The following LARGE1 variants were observed in gnomAD, a reference collection of about 807,000 sequenced individuals.
The protein encoded by LARGE1 is LARGE xylosyl- and glucuronyltransferase 1.
A neutral mutation model predicts 87.6 loss-of-function variants in LARGE1; 43 were observed. The ratio of observed to expected loss-of-function variants is 0.49; its 90% CI spans 0.38 to 0.63. LARGE1 has a LOEUF of 0.63. Among genes scored for constraint, LARGE1 ranks in the 30% least tolerant of loss-of-function variants. The pLI is 0.00. For missense variants in LARGE1, 802 were observed against 1,000.2 expected (o/e 0.80, Z 2.67); for synonymous variants, 434 against 394.6 (o/e 1.10, Z -1.18).
At chr22:33,824,818 T>A (rs2062734572) in intron 1 of LARGE1, among the ~76,000 whole-genome samples, 1 of 152,186 alleles carries the variant, frequency 6.6e-6, no homozygotes, top group Non-Finnish European at 1.5e-5. Context: ...GAAGTACTGG[T>A]ACACGATATG....
At chr22:33,484,318 A>T (rs2069471907) in intron 6 of LARGE1, among the ~76,000 whole-genome samples, 1 of 152,210 alleles carries the variant, frequency 6.6e-6, no homozygotes, top group Non-Finnish European at 1.5e-5. Context: ...ATGATTATAT[A>T]AGAATCTTTC....
chr22:33,370,640 A>G (rs946532608), intron 9 of LARGE1, among the ~76,000 whole-genome samples: 14 of 151,942 alleles, frequency 9.2e-5, no homozygotes, highest in Non-Finnish European at 2.1e-4. Flanking sequence ...TTGTGTATGT[A>G]TGTCTATGTG....
chr22:33,692,873 C>T (rs1456608322), intron 2 of LARGE1, among the ~76,000 whole-genome samples: 1 of 152,158 alleles, frequency 6.6e-6, no homozygotes, highest in East Asian at 1.9e-4. Flanking sequence ...AACTACCATT[C>T]AAACCTGCAA....
intron 3 of LARGE1, among the ~76,000 whole-genome samples, chr22:33,636,984 C>T (rs2080286999): frequency 6.6e-6 from 1 of 152,174 alleles, no homozygotes; most frequent in Non-Finnish European, 1.5e-5. Context: ...TATCTAAGGT[C>T]TGAGCCCCAA....
chr22:33,192,786 G>A (rs1923851925), intron 11 of LARGE1, among the ~76,000 whole-genome samples: 1 of 152,084 alleles, frequency 6.6e-6, no homozygotes, highest in Admixed American at 6.6e-5. Context: ...TCTTCTAGTG[G>A]TTTTACGGTT....
chr22:33,381,132 T>A (rs1347116362), intron 9 of LARGE1, among the ~76,000 whole-genome samples: 2 of 152,182 alleles, frequency 1.3e-5, no homozygotes. Context: ...ACAGAGGACA[T>A]CTAAGTTGCC....
intron 11 of LARGE1, among the ~76,000 whole-genome samples, chr22:33,265,695 C>T (rs1448275388): frequency 1.4e-5 from 2 of 146,958 alleles, no homozygotes; most frequent in Non-Finnish European, 2.9e-5. Flanking sequence ...AGCTGTTGGA[C>T]CCCCAGCAAC....
chr22:33,630,354 A>C (rs1465521617), intron 3 of LARGE1, among the ~76,000 whole-genome samples: 3 of 152,162 alleles, frequency 2.0e-5, no homozygotes, highest in Non-Finnish European at 4.4e-5. Context: ...AACAACACAG[A>C]TATCTTCTGA....
intron 1 of LARGE1, among the ~76,000 whole-genome samples, chr22:33,828,063 T>C (rs760694947): frequency 6.6e-6 from 1 of 152,024 alleles, no homozygotes; most frequent in Non-Finnish European, 1.5e-5. Context: ...AGAAATGAGA[T>C]GGCGGAAGGG....
chr22:33,152,677 T>C, the LARGE1 span, among the ~76,000 whole-genome samples: 1 of 152,174 alleles, frequency 6.6e-6, no homozygotes, highest in Non-Finnish European at 1.5e-5. Flanking sequence ...CAATGCATGA[T>C]AATCGCAGCA....
intron 5 of LARGE1, among the ~76,000 whole-genome samples, chr22:33,593,572 T>C (rs879361386): frequency 6.6e-6 from 1 of 152,146 alleles, no homozygotes; most frequent in Non-Finnish European, 1.5e-5. Context: ...TACCACGTAG[T>C]GTTAAAAGCC....
intron 1 of LARGE1, among the ~76,000 whole-genome samples, chr22:33,765,348 G>A (rs1301504911): frequency 6.6e-6 from 1 of 151,992 alleles, no homozygotes; most frequent in African/African-American, 2.4e-5. Context: ...TTCCCAGGGT[G>A]AAATATATCA....
intron 13 of LARGE1, among the ~76,000 whole-genome samples, chr22:33,281,262 G>T (rs569688803): frequency 3.9e-5 from 6 of 152,276 alleles, no homozygotes; most frequent in African/African-American, 1.4e-4. Context: ...CGGCAGGAAG[G>T]ATGCCTTGGA....
At chr22:33,114,432 C>T in the LARGE1 span, among the ~76,000 whole-genome samples, 1 of 152,306 alleles carries the variant, frequency 6.6e-6, no homozygotes, top group East Asian at 1.9e-4. Context: ...ACCTGTGAAA[C>T]ACTCAGAATA....
rs549528281 is a variant in LARGE1, at chr22:33,735,833, T to C, written c.106+25538A>G. On this transcript the variant is annotated intron_variant, in intron 2 of 14. Transcript: ENST00000397394. Reference sequence around the variant, plus strand: ...CAAACCTTCAAAACCACCAATCTACTTTCTATCTCTATGGACTGGCCAATT... The same window carrying C: ...CAAACCTTCAAAACCACCAATCTACCTTCTATCTCTATGGACTGGCCAATT... Among the ~76,000 whole-genome samples the C allele has an allele frequency of 4.1e-4, 62 of 152,284 alleles. 1 individual carries two copies. The highest frequency in any genetic ancestry group is 1.3e-3 in the African/African-American group (56 of 41,576).
intron 10 of LARGE1, among the ~76,000 whole-genome samples, chr22:33,322,161 T>C (rs764008818): frequency 1.3e-5 from 2 of 152,148 alleles, no homozygotes; most frequent in African/African-American, 2.4e-5. Flanking sequence ...TACCCTTGAG[T>C]TGGGGAAAAA....
intron 7 of LARGE1, 44 bp downstream of exon 7, chr22:33,432,117 A>C: frequency 6.7e-7 from 1 of 1,493,088 alleles, no homozygotes; most frequent in Non-Finnish European, 9.3e-7. Context: ...CTGGGTCCTC[A>C]TATCACCTTC....
intron 11 of LARGE1, among the ~76,000 whole-genome samples, chr22:33,310,393 G>A (rs1228074485): frequency 6.6e-6 from 1 of 152,098 alleles, no homozygotes; most frequent in East Asian, 1.9e-4. Context: ...TGAACCCCTC[G>A]TGATCAGCTC....
At chr22:33,354,146 G>A (rs1012893744) in intron 9 of LARGE1, among the ~76,000 whole-genome samples, 1 of 152,234 alleles carries the variant, frequency 6.6e-6, no homozygotes, top group East Asian at 1.9e-4. Context: ...CTGACCCTTC[G>A]GTGGAAAGGT....
Sources: gnomAD v4.1 joint callset for allele counts (sites outside exome capture counted in the v4.1 genomes callset) on GRCh38, gnomAD v4.1.1 for gene constraint, MANE v1.5 for transcripts, NCBI Gene and HGNC (gene_info 2026-07-23, HGNC 2026-07-21) for gene names.